MYO1F: variants seen among roughly 807,000 people sequenced by gnomAD.
MYO1F encodes the protein myosin IF, also known as unconventional myosin-If.
Under a neutral mutation model 146.6 loss-of-function variants are expected in MYO1F, and 60 were observed. The ratio of observed to expected loss-of-function variants is 0.41; its 90% CI spans 0.33 to 0.51. The LOEUF (loss-of-function observed/expected upper bound fraction) is 0.51, where lower values mean the gene tolerates loss of function less well. Among genes scored for constraint, MYO1F ranks in the 20% least tolerant of loss-of-function variants. The probability of loss-of-function intolerance (pLI) is 0.25; values close to 1 mark genes in which losing one functional copy is unlikely to be tolerated. For missense variants in MYO1F, 1,274 were observed against 1,534.3 expected (o/e 0.83, Z 2.83); for synonymous variants, 602 against 602.1 (o/e 1.00, Z 0.00).
At chr19:8,574,074 A>G (rs534529428) in intron 1 of MYO1F, among the ~76,000 whole-genome samples, 17 of 152,234 alleles carry the variant, frequency 1.1e-4, no homozygotes, top group Admixed American at 3.3e-4. Flanking sequence ...AATAACAGCA[A>G]CCACCGATGG....
In MYO1F at chr19:8,522,397, A is replaced by G; in HGVS notation, c.3200T>C (p.Val1067Ala). The G allele has an allele frequency of 6.2e-7, 1 of 1,614,006 alleles. No homozygotes were observed. Among genetic ancestry groups the G allele is most frequent in the Non-Finnish European group, 8.5e-7 (1 of 1,179,990 alleles). ...VDELSFNVNE[V>A]IEILMEDPSG... is the part of the protein sequence containing the mutation. The stretch of plus-strand genomic sequence containing the variant: ...CACACCTTCCATGAGGATCTCAATG[A>G]CCTCGTTCACGTTGAAGCTCAGCTC... The change falls in exon 27 of 28, where the codon GTC becomes GCC. Residue 1067 changes from valine to alanine, a missense_variant. This residue lies in a region of MYO1F where 374 missense variants were observed against 379.2 expected (regional missense o/e 0.99). Coordinates refer to ENST00000644032, the MANE Select transcript of MYO1F (RefSeq NM_012335.4).
chr19:8,551,674 A>T (rs544192428), intron 8 of MYO1F, 66 bp downstream of exon 8: 1 of 1,612,532 alleles, frequency 6.2e-7, no homozygotes, highest in African/African-American at 1.3e-5. Context: ...CCTAATTTGT[A>T]ACTCAGGAGG....
chr19:8,536,005 C>T (rs7256051), intron 19 of MYO1F, among the ~76,000 whole-genome samples: 1 of 151,882 alleles, frequency 6.6e-6, no homozygotes, highest in Non-Finnish European at 1.5e-5. Context: ...TAATCTCTCG[C>T]TCAGTCTCTC....
chr19:8,577,268 C>T lies in MYO1F; in HGVS notation c.3+39G>A. 1 of 1,612,498 alleles carries T rather than the reference C, an allele frequency of 6.2e-7. No homozygotes were observed. The highest frequency in any genetic ancestry group is 1.1e-5 in the South Asian group (1 of 90,782). ...ACACCTCCACCTGGCTGGTGTCCCTCCTCTTTCTTCTTCCAGATCCCACCC... is the reference window on the plus strand; with the variant it reads ...ACACCTCCACCTGGCTGGTGTCCCTTCTCTTTCTTCTTCCAGATCCCACCC... On this transcript the variant is annotated intron_variant, in intron 1 of 27. Transcript: ENST00000644032. The surrounding 1 kb of genome is among the most constrained non-coding windows in gnomAD (Gnocchi z 4.3).
chr19:8,571,186 G>C (rs2042100693), intron 1 of MYO1F, among the ~76,000 whole-genome samples: 1 of 152,192 alleles, frequency 6.6e-6, no homozygotes, highest in African/African-American at 2.4e-5. Context: ...TGCGAGCTGT[G>C]GTTGCCGGGA....
intron 10 of MYO1F, among the ~76,000 whole-genome samples, chr19:8,549,217 G>T (rs763612071): frequency 1.7e-4 from 26 of 152,130 alleles, no homozygotes; most frequent in Non-Finnish European, 2.1e-4. Context: ...CTCCCAAAGT[G>T]CTGGGATTAC....
Position 8,560,357 on chromosome 19 carries a change from C to T in MYO1F, c.4-4561G>A, listed in dbSNP as rs531718375. ...AAAAGTAGCCGGGTGTGGGGGTGCG[C>T]GCCTGTAATCCCAGCTACTCAGGAG... is the stretch of plus-strand genomic sequence containing the variant. On this transcript the variant is annotated intron_variant, in intron 1 of 27. Coordinates refer to ENST00000644032, the MANE Select transcript of MYO1F (RefSeq NM_012335.4). Among the ~76,000 whole-genome samples the T allele has an allele frequency of 1.9e-3, 282 of 151,708 alleles. 6 individuals are homozygous for T. The highest frequency in any genetic ancestry group is 7.2e-4 in the Non-Finnish European group (49 of 67,918).
intron 12 of MYO1F, among the ~76,000 whole-genome samples, chr19:8,547,508 G>A (rs939872874): frequency 3.6e-4 from 54 of 151,074 alleles, no homozygotes; most frequent in African/African-American, 1.3e-3. Context: ...GGAGGCTGAG[G>A]CAGGAGAATC....
At chr19:8,544,552 G>T (rs1016801131) in intron 13 of MYO1F, 88 bp from the exon 14 acceptor site, 3 of 1,406,876 alleles carry the variant, frequency 2.1e-6, no homozygotes, top group Non-Finnish European at 2.9e-6. Flanking sequence ...GGGGAGGGAG[G>T]GGGTGGAGGA....
intron 10 of MYO1F, chr19:8,549,927 A>T (rs1973531660): frequency 1.7e-6 from 1 of 599,600 alleles, no homozygotes; most frequent in Non-Finnish European, 3.0e-6. Context: ...CAGCCCTCTG[A>T]GTAGCCAGAA....
chr19:8,530,693 G>T lies in MYO1F; in HGVS notation c.2044-120C>A, dbSNP rs1972451620. On this transcript the variant is annotated intron_variant, in intron 19 of 27. Transcript: ENST00000644032. This position sits in a 1 kb window ranked among gnomAD's most constrained non-coding sequence, Gnocchi z 5.8. The stretch of plus-strand genomic sequence containing the variant: ...TTTGCTCACCCATCCCCACACATGT[G>T]CTAATTTTTTTAAGAGGCGGGGTCT... 4 of 793,402 alleles carry T rather than the reference G, an allele frequency of 5.0e-6. No homozygotes were observed. Among genetic ancestry groups the T allele is most frequent in the South Asian group, 4.3e-5 (3 of 69,900 alleles). The allele number at this position is 793,402 out of a possible 1,614,324, so 49.1% of individuals were successfully genotyped here.
At position 8,526,948 on chromosome 19, in the gene MYO1F, GGGTGAGAGCGTCAGGTGGGACACA is replaced by G. The variant is rs756431782; in HGVS notation, c.2475-37_2475-14del. 6.2e-7 allele frequency: 1 copy of G among 1,613,362 alleles called. No individual in the cohort carries two copies. Among genetic ancestry groups the G allele is most frequent in the Non-Finnish European group, 8.5e-7 (1 of 1,179,982 alleles). On this transcript the variant is annotated splice_polypyrimidine_tract_variant and intron_variant, in intron 22 of 27. Transcript: ENST00000644032. The stretch of plus-strand genomic sequence containing the variant: ...GTCCTGTCGCGTGCTGGGGAGGGGC[GGGTGAGAGCGTCAGGTGGGACACA>G]GGTGAGGGCGACAGGTGAGAGAGAC...
chr19:8,574,626 T>TTTCC (rs2042192383), intron 1 of MYO1F, among the ~76,000 whole-genome samples: 1 of 69,666 alleles, frequency 1.4e-5, no homozygotes, highest in African/African-American at 4.8e-5. Context: ...TCTTTCTTTC[T>TTTCC]TTCTTTCTTT....
intron 1 of MYO1F, among the ~76,000 whole-genome samples, chr19:8,563,876 G>C (rs552252661): frequency 1.3e-5 from 2 of 151,876 alleles, no homozygotes; most frequent in East Asian, 1.9e-4. Context: ...TGATCCACCC[G>C]CCTTGGCTTC....
intron 1 of MYO1F, chr19:8,576,701 C>G (rs1018256639): frequency 6.2e-6 from 1 of 161,522 alleles, no homozygotes; most frequent in African/African-American, 2.4e-5. Flanking sequence ...TATTCAGCCT[C>G]TCCTGCCTCT....
At position 8,526,453 on chromosome 19, in the gene MYO1F, T is replaced by C; in HGVS notation, c.2770A>G (p.Lys924Glu). Residue 924 changes from lysine to glutamate, a missense_variant and splice_region_variant, in exon 24 of 28, where the codon AAG becomes GAG. Physicochemically the swap from Lys to Glu is moderately conservative, Grantham distance 56 (BLOSUM62 1). Around this residue, in one of 2 missense-constraint regions of MYO1F, gnomAD observed 374 missense variants for 379.2 expected, o/e 0.99. Transcript: ENST00000644032. ...SVGDGLPKSSKPTRKGMAKGK... is the reference protein window; with the variant it reads ...SVGDGLPKSSEPTRKGMAKGK... ...CTGCCCTAGTTCCGCGCAGACTCAC[T>C]GGAGCTCTTGGGCAGCCCATCGCCC... is the stretch of plus-strand genomic sequence containing the variant. 6.4e-7 allele frequency: 1 copy of C among 1,555,460 alleles called. No homozygotes were observed.
chr19:8,533,600 G>A lies in MYO1F; in HGVS notation c.2043+2652C>T, dbSNP rs535846412. 2.7e-3 allele frequency among the ~76,000 whole-genome samples: 400 copies of A among 148,188 alleles called. 1 individual carries two copies. The highest frequency in any genetic ancestry group is 4.1e-3 in the Middle Eastern group (1 of 244). ...TCTCAATCTCCTGACCTCATGATCCGCCTGCCTCGGCCTCCCAAAGTGCTG... is the reference window on the plus strand; with the variant it reads ...TCTCAATCTCCTGACCTCATGATCCACCTGCCTCGGCCTCCCAAAGTGCTG... On this transcript the variant is annotated intron_variant, in intron 19 of 27. Coordinates refer to ENST00000644032, the MANE Select transcript of MYO1F (RefSeq NM_012335.4).
chr19:8,530,124 G>T lies in MYO1F; in HGVS notation c.2328+72C>A. ...GCTGGGGGATATCTGGCTGTGGGCA[G>T]GTGCATCTGGGCCAGGTGAGGGTGC... On this transcript the variant is annotated intron_variant, in intron 21 of 27. Coordinates refer to ENST00000644032, the MANE Select transcript of MYO1F (RefSeq NM_012335.4). This position sits in a 1 kb window ranked among gnomAD's most constrained non-coding sequence, Gnocchi z 5.8. 1 of 1,591,656 alleles carries T rather than the reference G, an allele frequency of 6.3e-7. No homozygotes were observed. Among genetic ancestry groups the T allele is most frequent in the Non-Finnish European group, 8.6e-7 (1 of 1,161,382 alleles).
intron 15 of MYO1F, 104 bp downstream of exon 15, chr19:8,541,802 T>G (rs1972985306): frequency 1.0e-5 from 11 of 1,050,772 alleles, no homozygotes; most frequent in Non-Finnish European, 1.5e-5. Context: ...CCCCTCGAGT[T>G]TGTGGCGAGA....
Sources: gnomAD v4.1 joint callset for allele counts (sites outside exome capture counted in the v4.1 genomes callset) on GRCh38, gnomAD v4.1.1 for gene constraint, gnomAD v4.1.1 regional missense constraint, Gnocchi (gnomAD v3.1) non-coding constraint, MANE v1.5 for transcripts, NCBI Gene and HGNC (gene_info 2026-07-23, HGNC 2026-07-21) for gene names.